Variants in WAPL observed in about 807,000 individuals in gnomAD.
WAPL encodes wings apart-like protein homolog.
WAPL carries 5 observed loss-of-function variants against 121.0 expected under a neutral mutation model. The observed-to-expected ratio is 0.04, with a 90% CI of 0.02 to 0.09. The LOEUF (loss-of-function observed/expected upper bound fraction) is 0.09. WAPL is among the 10% of genes least tolerant of loss of function. The probability of loss-of-function intolerance (pLI) is 1.00; values close to 1 mark genes in which losing one functional copy is unlikely to be tolerated. For missense variants in WAPL, 999 were observed against 1,410.8 expected (o/e 0.71, Z 4.68); for synonymous variants, 480 against 481.5 (o/e 1.00, Z 0.04).
chr10:86,498,141 T>G (rs1439206727), intron 3 of WAPL, among the ~76,000 whole-genome samples: 1 of 152,258 alleles, frequency 6.6e-6, no homozygotes, highest in Non-Finnish European at 1.5e-5. Flanking sequence ...TTAAAAGTTG[T>G]ATTACACAAG....
At chr10:86,439,204 C>T (rs1195078579) in intron 17 of WAPL, among the ~76,000 whole-genome samples, 1 of 152,046 alleles carries the variant, frequency 6.6e-6, no homozygotes, top group African/African-American at 2.4e-5. Flanking sequence ...CCAGGGTACT[C>T]GCAAAATTAG....
chr10:86,467,034 T>A (rs1264329351), intron 9 of WAPL: 1 of 424,438 alleles, frequency 2.4e-6, no homozygotes, highest in Non-Finnish European at 4.3e-6. Flanking sequence ...GAGAAAAGGA[T>A]TAGACAAAAT....
At chr10:86,438,548 C>T (rs375950102) in intron 17 of WAPL, among the ~76,000 whole-genome samples, 231 of 152,298 alleles carry the variant, frequency 1.5e-3, no homozygotes, top group African/African-American at 5.3e-3. Flanking sequence ...GGCAGCATGC[C>T]GACCTACTTT....
intron 1 of WAPL, among the ~76,000 whole-genome samples, chr10:86,518,768 T>C (rs1266939528): frequency 1.3e-5 from 2 of 152,230 alleles, no homozygotes; most frequent in African/African-American, 4.8e-5. Flanking sequence ...TTCTTTGAAA[T>C]TTCATGGCAC....
chr10:86,486,722 G>A (rs944594565), intron 4 of WAPL, among the ~76,000 whole-genome samples: 4 of 152,200 alleles, frequency 2.6e-5, no homozygotes, highest in African/African-American at 7.2e-5. Context: ...TTGGGAGGCC[G>A]AGACCGGCAG....
At chr10:86,449,173 T>C (rs1477559464) in intron 15 of WAPL, among the ~76,000 whole-genome samples, 2 of 152,174 alleles carry the variant, frequency 1.3e-5, no homozygotes, top group African/African-American at 4.8e-5. Context: ...AAGATTCCAT[T>C]TATACAACAT....
chr10:86,460,828 C>T (rs1841253612), intron 10 of WAPL, among the ~76,000 whole-genome samples: 1 of 152,170 alleles, frequency 6.6e-6, no homozygotes, highest in Non-Finnish European at 1.5e-5. Context: ...ATTCTCCTGC[C>T]TCAGCCTCCC....
chr10:86,463,134 A>G (rs1378850442), intron 9 of WAPL, among the ~76,000 whole-genome samples: 1 of 152,242 alleles, frequency 6.6e-6, no homozygotes, highest in East Asian at 1.9e-4. Context: ...TAATCAGAAA[A>G]TAAGAGGAAC....
intron 16 of WAPL, among the ~76,000 whole-genome samples, chr10:86,445,151 A>C (rs1849576907): frequency 1.3e-5 from 2 of 152,196 alleles, no homozygotes; most frequent in Non-Finnish European, 1.5e-5. Context: ...GAGGAGGCTC[A>C]AATCTCTGAC....
intron 4 of WAPL, among the ~76,000 whole-genome samples, chr10:86,496,131 A>C (rs541397345): frequency 6.6e-6 from 1 of 152,206 alleles, no homozygotes; most frequent in Non-Finnish European, 1.5e-5. Context: ...ACAAACAAAA[A>C]AACTGGGCAA....
chr10:86,504,437 G>A (rs1181914557), intron 2 of WAPL, among the ~76,000 whole-genome samples: 2 of 150,438 alleles, frequency 1.3e-5, no homozygotes, highest in African/African-American at 2.4e-5. Flanking sequence ...AGCACTTTGG[G>A]AGGCAGAGGT....
At chr10:86,441,572 T>C (rs1483504851) in intron 17 of WAPL, among the ~76,000 whole-genome samples, 1 of 113,460 alleles carries the variant, frequency 8.8e-6, no homozygotes, top group East Asian at 2.3e-4. Flanking sequence ...AATGCACCTA[T>C]GAAAAAAAAA....
intron 8 of WAPL, among the ~76,000 whole-genome samples, chr10:86,467,816 A>C (rs1201899423): frequency 6.6e-6 from 1 of 151,668 alleles, no homozygotes; most frequent in Non-Finnish European, 1.5e-5. Context: ...AGCTCGGACT[A>C]CTGGTGTGTG....
chr10:86,483,210 C>T (rs1371149998), intron 4 of WAPL, among the ~76,000 whole-genome samples: 5 of 152,008 alleles, frequency 3.3e-5, no homozygotes, highest in Admixed American at 1.3e-4. Context: ...CACCCGAGGT[C>T]GGGAGTTTGA....
chr10:86,460,536 C>T (rs369336821), intron 10 of WAPL, 40 bp from the exon 11 acceptor site: 57 of 1,501,010 alleles, frequency 3.8e-5, no homozygotes, highest in Non-Finnish European at 4.8e-5. Context: ...TATTTATCAT[C>T]GATACTTACC....
rs546581722 is a variant in WAPL, at chr10:86,465,864, A to G, written c.2370+1415T>C. Among the ~76,000 whole-genome samples the G allele has an allele frequency of 4.6e-5, 7 of 152,326 alleles. No individual in the cohort carries two copies. In the East Asian group the frequency reaches 1.2e-3, roughly 25 times the overall value. On this transcript the variant is annotated intron_variant, in intron 9 of 18. Coordinates refer to ENST00000298767, the MANE Select transcript of WAPL (RefSeq NM_015045.5). ...TGTCCATTGTGAACAGTAGACAATA[A>G]TAAATGTTTATAGAGTTTTGATGTT...
intron 4 of WAPL, among the ~76,000 whole-genome samples, chr10:86,494,736 T>G (rs915159006): frequency 1.3e-5 from 2 of 152,194 alleles, no homozygotes; most frequent in Non-Finnish European, 2.9e-5. Context: ...CCATTCAAAA[T>G]GCAAGATAAA....
chr10:86,460,809 A>G (rs913699360), intron 10 of WAPL, among the ~76,000 whole-genome samples: 1 of 151,588 alleles, frequency 6.6e-6, no homozygotes, highest in African/African-American at 2.4e-5. Flanking sequence ...CACCTCCCAC[A>G]TTCAAGCAAT....
Position 86,500,642 on chromosome 10 carries a change from C to A in WAPL, c.601G>T (p.Ala201Ser). ...TKKPNAETTV[A>S]SEIKETNDTW... Reference sequence around the variant, plus strand: ...TCATTTGTTTCCTTGATTTCAGAAGCCACTGTAGTTTCTGCATTGGGTTTC... The same window carrying A: ...TCATTTGTTTCCTTGATTTCAGAAGACACTGTAGTTTCTGCATTGGGTTTC... The change falls in exon 3 of 19, where the codon GCT becomes TCT. Residue 201 changes from alanine to serine, a missense_variant. Around this residue, in one of 7 missense-constraint regions of WAPL, gnomAD observed 531 missense variants for 563.1 expected, o/e 0.94. Coordinates refer to ENST00000298767, the MANE Select transcript of WAPL (RefSeq NM_015045.5). 6.2e-7 allele frequency: 1 copy of A among 1,613,970 alleles called. No individual in the cohort carries two copies. Among genetic ancestry groups the A allele is most frequent in the Non-Finnish European group, 8.5e-7 (1 of 1,179,994 alleles).
Sources: gnomAD v4.1 joint callset for allele counts (sites outside exome capture counted in the v4.1 genomes callset) on GRCh38, gnomAD v4.1.1 for gene constraint, gnomAD v4.1.1 regional missense constraint, MANE v1.5 for transcripts, NCBI Gene and HGNC (gene_info 2026-07-23, HGNC 2026-07-21) for gene names.